The following RGS7 variants were observed in gnomAD, a reference collection of about 807,000 sequenced individuals.
RGS7 encodes the protein regulator of G protein signaling 7, also known as regulator of G-protein signaling 7.
Under a neutral mutation model 81.1 loss-of-function variants are expected in RGS7, and 27 were observed. The observed-to-expected ratio is 0.33, with a 90% CI of 0.25 to 0.46. The LOEUF is 0.46. Among genes scored for constraint, RGS7 ranks in the 20% least tolerant of loss-of-function variants. The pLI, the probability that RGS7 is intolerant of heterozygous loss-of-function variation, is 1.00. For synonymous variants in RGS7, 208 were observed against 207.7 expected, an observed-to-expected ratio of 1.00 and a Z score of -0.01; for missense variants, 396 against 607.4, an observed-to-expected ratio of 0.65 and a Z score of 3.66.
chr1:241,008,362 G>A (rs12126639), intron 3 of RGS7, among the ~76,000 whole-genome samples: 1 of 152,116 alleles, frequency 6.6e-6, no homozygotes, highest in Non-Finnish European at 1.5e-5. Flanking sequence ...TTCAATGTGC[G>A]TATAAATCAC....
intron 4 of RGS7, 58 bp downstream of exon 4, chr1:240,983,021 C>G: frequency 2.1e-6 from 2 of 961,304 alleles, no homozygotes; most frequent in Non-Finnish European, 3.3e-6. Flanking sequence ...CCTGATGAAA[C>G]ATATTTCTTA....
At chr1:240,817,157 T>C (rs1690948136) in intron 10 of RGS7, among the ~76,000 whole-genome samples, 1 of 152,210 alleles carries the variant, frequency 6.6e-6, no homozygotes, top group Admixed American at 6.5e-5. Flanking sequence ...ACTAAAGGGA[T>C]AAAAAACTAT....
intron 4 of RGS7, among the ~76,000 whole-genome samples, chr1:240,942,164 C>T (rs1437456171): frequency 1.3e-5 from 2 of 152,092 alleles, no homozygotes; most frequent in East Asian, 1.9e-4. Context: ...TCAACATCCT[C>T]GGATAGCGAA....
At chr1:241,310,215 ATCTT>A (rs2080424429) in intron 2 of RGS7, among the ~76,000 whole-genome samples, 1 of 152,232 alleles carries the variant, frequency 6.6e-6, no homozygotes, top group Admixed American at 6.5e-5. Flanking sequence ...ATTTGTGGTC[ATCTT>A]TCTCTTTATG....
intron 3 of RGS7, among the ~76,000 whole-genome samples, chr1:241,067,618 C>G (rs2062145321): frequency 6.6e-6 from 1 of 151,320 alleles, no homozygotes; most frequent in Non-Finnish European, 1.5e-5. Flanking sequence ...CTCCCGTGTT[C>G]CAGTGATTCT....
intron 6 of RGS7, among the ~76,000 whole-genome samples, chr1:240,899,465 T>C (rs2148189406): frequency 6.6e-6 from 1 of 152,330 alleles, no homozygotes; most frequent in South Asian, 2.1e-4. Context: ...CAGGAGCTCT[T>C]ATAAGGCAGG....
intron 3 of RGS7, among the ~76,000 whole-genome samples, chr1:241,080,398 T>C (rs1298265998): frequency 6.6e-6 from 1 of 152,148 alleles, no homozygotes; most frequent in Non-Finnish European, 1.5e-5. Context: ...AAATACCCTT[T>C]GGCTATCTGA....
intron 2 of RGS7, among the ~76,000 whole-genome samples, chr1:241,279,218 G>T (rs1421888147): frequency 3.3e-5 from 5 of 152,060 alleles, no homozygotes; most frequent in Admixed American, 6.5e-5. Context: ...TAGGAAAAAA[G>T]ATTTTACTCC....
chr1:240,901,431 A>C (rs1669996296), intron 6 of RGS7, among the ~76,000 whole-genome samples: 1 of 152,108 alleles, frequency 6.6e-6, no homozygotes. Context: ...CAAGAACCAA[A>C]ACTCTTTTCT....
intron 4 of RGS7, among the ~76,000 whole-genome samples, chr1:240,940,503 T>A (rs1677410415): frequency 6.6e-6 from 1 of 152,214 alleles, no homozygotes; most frequent in Non-Finnish European, 1.5e-5. Context: ...TGTCTTCGTA[T>A]AGCCATCTTT....
intron 2 of RGS7, among the ~76,000 whole-genome samples, chr1:241,182,292 T>C (rs1558163034): frequency 1.3e-5 from 2 of 152,052 alleles, no homozygotes; most frequent in Non-Finnish European, 1.5e-5. Context: ...GCATGCCCCA[T>C]AGGACTCCAA....
Position 240,868,055 on chromosome 1 carries a change from G to T in RGS7, c.609+532C>A, listed in dbSNP as rs746520619. 3.1e-5 allele frequency among the ~76,000 whole-genome samples: 4 copies of T among 129,650 alleles called. No individual in the cohort carries two copies. The South Asian group carries it at 7.6e-4, about 25-fold the overall frequency. 85.1% of individuals were successfully genotyped at this position (129,650 alleles called of 152,430 possible). A position where few individuals can be genotyped will look rare whatever the true frequency, so the allele number is the denominator to read the frequency against. Reference sequence around the variant, plus strand: ...AAAGAAGAGAAAAGAAAGAAAGAAAGAAAGAAAAGAAGAGAAAAGAAAGAA... The same window carrying T: ...AAAGAAGAGAAAAGAAAGAAAGAAATAAAGAAAAGAAGAGAAAAGAAAGAA... On this transcript the variant is annotated intron_variant, in intron 9 of 18. Coordinates refer to ENST00000440928, the MANE Select transcript of RGS7 (RefSeq NM_001364886.1). The surrounding 1 kb of genome is among the most constrained non-coding windows in gnomAD (Gnocchi z 5.1).
chr1:241,216,195 C>T (rs1019367410), intron 2 of RGS7, among the ~76,000 whole-genome samples: 1 of 152,050 alleles, frequency 6.6e-6, no homozygotes, highest in Non-Finnish European at 1.5e-5. Flanking sequence ...CAGGCTGAAC[C>T]TGGGAGGTAG....
rs2070005171 is a variant in RGS7, at chr1:241,164,405, AT to A, written c.79-65644del. 6.6e-6 allele frequency among the ~76,000 whole-genome samples: 1 copy of A among 151,704 alleles called. No individual in the cohort carries two copies. The highest frequency in any genetic ancestry group is 2.4e-5 in the African/African-American group (1 of 41,252). On this transcript the variant is annotated intron_variant, in intron 2 of 18. Coordinates refer to ENST00000440928, the MANE Select transcript of RGS7 (RefSeq NM_001364886.1). This position sits in a 1 kb window ranked among gnomAD's most constrained non-coding sequence, Gnocchi z 4.1. The stretch of plus-strand genomic sequence containing the variant: ...TAGGGCTGAAAGTCCCAGCCCTCCA[AT>A]CATGCATTGGTCTTTTCAGCGTCCG...
chr1:240,793,611 A>ATATATATATATATATTTT, intron 18 of RGS7, among the ~76,000 whole-genome samples: 7 of 78,858 alleles, frequency 8.9e-5, no homozygotes, highest in African/African-American at 6.8e-4. Flanking sequence ...ATATATATAT[A>ATATATATATATATATTTT]TTTTTTTTTT....
At chr1:240,946,623 A>G (rs1678653715) in intron 4 of RGS7, among the ~76,000 whole-genome samples, 1 of 152,184 alleles carries the variant, frequency 6.6e-6, no homozygotes, top group Non-Finnish European at 1.5e-5. Context: ...TTAAAAAAGA[A>G]TTAAAATCAA....
chr1:240,851,645 A>G (rs1473359978), intron 9 of RGS7, among the ~76,000 whole-genome samples: 5 of 152,228 alleles, frequency 3.3e-5, no homozygotes, highest in Non-Finnish European at 7.3e-5. Flanking sequence ...ACTTTCTGCA[A>G]AGGGGTCATC....
intron 3 of RGS7, among the ~76,000 whole-genome samples, chr1:241,034,541 T>C (rs889786686): frequency 2.6e-5 from 4 of 151,852 alleles, no homozygotes; most frequent in African/African-American, 9.7e-5. Flanking sequence ...GTCCATTTGA[T>C]GACAAAGAGT....
At chr1:241,139,974 C>G (rs1328617543) in intron 2 of RGS7, among the ~76,000 whole-genome samples, 1 of 152,138 alleles carries the variant, frequency 6.6e-6, no homozygotes, top group African/African-American at 2.4e-5. Flanking sequence ...AATAATTGTC[C>G]TGTTTCTGTG....
Sources: allele counts gnomAD v4.1 joint callset (sites outside exome capture counted in the v4.1 genomes callset), GRCh38; gene constraint gnomAD v4.1.1; non-coding constraint Gnocchi (gnomAD v3.1); transcripts MANE v1.5; gene names NCBI Gene and HGNC (gene_info 2026-07-23, HGNC 2026-07-21).